The following RBFOX1 variants were observed in gnomAD, a reference collection of about 807,000 sequenced individuals.
The protein encoded by RBFOX1 is RNA binding protein fox-1 homolog 1.
RBFOX1 carries 8 observed loss-of-function variants against 57.7 expected under a neutral mutation model. That is an observed-to-expected ratio of 0.14 (90% confidence interval 0.08 to 0.25). The LOEUF (loss-of-function observed/expected upper bound fraction) is 0.25. Among genes scored for constraint, RBFOX1 ranks in the 10% least tolerant of loss-of-function variants. RBFOX1 has a pLI of 1.00. For missense variants in RBFOX1, 611 were observed against 548.5 expected (o/e 1.11, Z -1.14); for synonymous variants, 326 against 222.4 (o/e 1.47, Z -4.15).
intron 1 of RBFOX1, among the ~76,000 whole-genome samples, chr16:5,249,408 C>T (rs2062388676): frequency 6.6e-6 from 1 of 152,206 alleles, no homozygotes; most frequent in Non-Finnish European, 1.5e-5. Flanking sequence ...GACTCTGTGG[C>T]TTGAAAGCCT....
At chr16:6,544,991 TAATA>T (rs561648103) in intron 2 of RBFOX1, among the ~76,000 whole-genome samples, 9 of 152,328 alleles carry the variant, frequency 5.9e-5, no homozygotes, top group Non-Finnish European at 1.2e-4. Context: ...CAGTTTAAAC[TAATA>T]AATCTTTTTT....
intron 2 of RBFOX1, among the ~76,000 whole-genome samples, chr16:6,496,766 C>T (rs1012798112): frequency 9.9e-5 from 15 of 152,046 alleles, no homozygotes; most frequent in African/African-American, 3.4e-4. Context: ...TCGAGACCAG[C>T]CTGGCCAACA....
intron 4 of RBFOX1, among the ~76,000 whole-genome samples, chr16:7,095,240 G>A (rs974802538): frequency 2.0e-5 from 3 of 152,064 alleles, no homozygotes; most frequent in African/African-American, 4.8e-5. Context: ...AGGTTCAAAC[G>A]ATTCTCCTGC....
At chr16:6,921,758 T>C (rs766482791) in intron 3 of RBFOX1, among the ~76,000 whole-genome samples, 2 of 150,854 alleles carry the variant, frequency 1.3e-5, no homozygotes, top group African/African-American at 4.9e-5. Flanking sequence ...TGTGTGTGTG[T>C]ATATATATGA....
At chr16:5,936,267 G>A (rs1168279629) in intron 4 of RBFOX1, among the ~76,000 whole-genome samples, 2 of 152,098 alleles carry the variant, frequency 1.3e-5, no homozygotes, top group Non-Finnish European at 2.9e-5. Flanking sequence ...GGGATTACAG[G>A]CATGTGCCAA....
At chr16:5,730,792 C>A (rs562973765) in intron 3 of RBFOX1, among the ~76,000 whole-genome samples, 3 of 152,058 alleles carry the variant, frequency 2.0e-5, no homozygotes, top group Non-Finnish European at 4.4e-5. Flanking sequence ...AATGTTAACA[C>A]CATTACCACC....
intron 2 of RBFOX1, among the ~76,000 whole-genome samples, chr16:6,624,969 A>T (rs2098282515): frequency 6.6e-6 from 1 of 152,042 alleles, no homozygotes; most frequent in African/African-American, 2.4e-5. Context: ...GTTTGAGACC[A>T]GCCTGGCCAA....
chr16:5,750,506 G>A (rs944678902), intron 3 of RBFOX1, among the ~76,000 whole-genome samples: 2 of 152,206 alleles, frequency 1.3e-5, no homozygotes, highest in Non-Finnish European at 2.9e-5. Flanking sequence ...GAGCTGTGGT[G>A]GGCTCCACAC....
chr16:5,301,006 C>A (rs2063788457), intron 1 of RBFOX1, among the ~76,000 whole-genome samples: 1 of 152,142 alleles, frequency 6.6e-6, no homozygotes, highest in Non-Finnish European at 1.5e-5. Flanking sequence ...AAGTGGCTTC[C>A]AGTAGCCTCT....
At chr16:7,002,584 C>T (rs1207075888) in intron 3 of RBFOX1, among the ~76,000 whole-genome samples, 1 of 152,006 alleles carries the variant, frequency 6.6e-6, no homozygotes, top group Non-Finnish European at 1.5e-5. Context: ...TGGTGGCATG[C>T]ACATGTCATC....
At chr16:6,160,884 T>A (rs1443677671) in intron 1 of RBFOX1, among the ~76,000 whole-genome samples, 1 of 152,216 alleles carries the variant, frequency 6.6e-6, no homozygotes, top group Non-Finnish European at 1.5e-5. Flanking sequence ...CAGCCTTTTC[T>A]GAGATTGCCC....
At chr16:6,212,534 T>C (rs1598409573) in intron 1 of RBFOX1, among the ~76,000 whole-genome samples, 1 of 152,136 alleles carries the variant, frequency 6.6e-6, no homozygotes, top group East Asian at 1.9e-4. Context: ...GGTGAAACCC[T>C]GTCTCTACTA....
chr16:7,453,061 G>T (rs1225672298), intron 4 of RBFOX1, among the ~76,000 whole-genome samples: 1 of 151,478 alleles, frequency 6.6e-6, no homozygotes, highest in African/African-American at 2.4e-5. Context: ...CCCGGGAGGT[G>T]GAGGTTGCAG....
intron 5 of RBFOX1, among the ~76,000 whole-genome samples, chr16:7,552,383 C>T (rs546890044): frequency 6.6e-6 from 1 of 152,262 alleles, no homozygotes; most frequent in African/African-American, 2.4e-5. Context: ...CAAAGTACTT[C>T]AGCACTGGAA....
chr16:6,731,626 G>C (rs2068620987), intron 3 of RBFOX1, among the ~76,000 whole-genome samples: 1 of 152,038 alleles, frequency 6.6e-6, no homozygotes, highest in Non-Finnish European at 1.5e-5. Flanking sequence ...TTGGGAGCTG[G>C]AGTGTAAACA....
intron 1 of RBFOX1, among the ~76,000 whole-genome samples, chr16:6,136,834 C>T (rs1037379797): frequency 2.6e-5 from 4 of 152,112 alleles, no homozygotes; most frequent in African/African-American, 9.7e-5. Context: ...TGCTGTGAAA[C>T]CCTTTGTATA....
chr16:6,673,277 C>T (rs2098779207), intron 3 of RBFOX1, among the ~76,000 whole-genome samples: 1 of 152,088 alleles, frequency 6.6e-6, no homozygotes, highest in Non-Finnish European at 1.5e-5. Flanking sequence ...TACGAAGTTG[C>T]AAGTACCAGT....
At chr16:7,542,513 C>A (rs1193994695) in intron 5 of RBFOX1, among the ~76,000 whole-genome samples, 2 of 151,488 alleles carry the variant, frequency 1.3e-5, no homozygotes, top group African/African-American at 2.4e-5. Context: ...AAAGAGAAGA[C>A]ATGAAGGGCG....
At chr16:7,358,502 C>A (rs922232524) in intron 4 of RBFOX1, among the ~76,000 whole-genome samples, 1 of 152,054 alleles carries the variant, frequency 6.6e-6, no homozygotes, top group African/African-American at 2.4e-5. Context: ...CTCACTGCAA[C>A]CTCCACCTCC....
Sources: allele counts gnomAD v4.1 joint callset (sites outside exome capture counted in the v4.1 genomes callset), GRCh38; gene constraint gnomAD v4.1.1; transcripts MANE v1.5; gene names NCBI Gene and HGNC (gene_info 2026-07-23, HGNC 2026-07-21).